The following MAN2A2 variants were observed in gnomAD, a reference collection of about 807,000 sequenced individuals.
MAN2A2 encodes alpha-mannosidase 2x.
A neutral mutation model predicts 126.8 loss-of-function variants in MAN2A2; 79 were observed. That is an observed-to-expected ratio of 0.62 (90% CI 0.52 to 0.75). MAN2A2 has a LOEUF of 0.75. Among genes scored for constraint, MAN2A2 ranks in the 30% least tolerant of loss-of-function variants. The pLI, the probability that MAN2A2 is intolerant of heterozygous loss-of-function variation, is 0.00. For synonymous variants in MAN2A2, 671 were observed against 618.7 expected, an observed-to-expected ratio of 1.08 and a Z score of -1.25; for missense variants, 1,392 against 1,522.4, an observed-to-expected ratio of 0.91 and a Z score of 1.43.
In MAN2A2 at chr15:90,912,877, C is replaced by T. The variant is rs772850950; in HGVS notation, c.2470C>T (p.Pro824Ser). The T allele has an allele frequency of 1.2e-6, 2 of 1,612,574 alleles. No homozygotes were observed. Among genetic ancestry groups the T allele is most frequent in the Non-Finnish European group, 1.7e-6 (2 of 1,178,760 alleles). ...YLFLPDGEAK[P>S]YVPKEPPVLR... Reference sequence around the variant, plus strand: ...CAACAGCAATCTGCTCTTTCTCTAGCCCTACGTCCCCAAGGAGCCCCCCGT... The same window carrying T: ...CAACAGCAATCTGCTCTTTCTCTAGTCCTACGTCCCCAAGGAGCCCCCCGT... Residue 824 changes from proline (P) to serine (S), a missense_variant and splice_region_variant, in exon 17 of 23, where the codon CCC (proline) becomes TCC (serine). Pro to Ser is a moderately conservative substitution (Grantham distance 74). Coordinates refer to ENST00000559717, the MANE Select transcript of MAN2A2 (RefSeq NM_006122.4).
chr15:90,919,552 A>G (rs1283071931), intron 22 of MAN2A2, 83 bp from the exon 23 acceptor site: 12 of 1,518,080 alleles, frequency 7.9e-6, no homozygotes, highest in Non-Finnish European at 1.1e-5. Flanking sequence ...ATTCTTAAAG[A>G]GGTACCAAAT....
rs768714208 is a variant in MAN2A2 at position 90,905,857 on chromosome 15, C to T, written c.548C>T (p.Thr183Ile). 3 of 1,576,732 alleles carry T rather than the reference C, an allele frequency of 1.9e-6. No homozygotes were observed. The highest frequency in any genetic ancestry group is 2.6e-6 in the Non-Finnish European group (3 of 1,160,992). The change falls in exon 5 of 23, where the codon ACC becomes ATC. Residue 183 changes from threonine (T) to isoleucine (I), a missense_variant. By Grantham distance (89) the Thr-to-Ile change is moderately conservative. Transcript: ENST00000559717. Reference sequence around the variant, plus strand: ...ATTGGCTCCCTAGGCTGGATCAAGACCTTTGACAAGTACTACACAGAGCAG... The same window carrying T: ...ATTGGCTCCCTAGGCTGGATCAAGATCTTTGACAAGTACTACACAGAGCAG... ...HSHNDPGWIK[T>I]FDKYYTEQTQ... is the part of the protein sequence containing the mutation.
chr15:90,906,573 C>T (rs1411724789), intron 6 of MAN2A2, 76 bp downstream of exon 6: 14 of 1,606,538 alleles, frequency 8.7e-6, no homozygotes, highest in East Asian at 2.2e-5. Context: ...GCACAGGGAT[C>T]GGCAGGGGGT....
chr15:90,916,388 G>A, intron 20 of MAN2A2, 132 bp downstream of exon 20: 1 of 1,279,798 alleles, frequency 7.8e-7, no homozygotes, highest in South Asian at 1.4e-5. Flanking sequence ...GAATTCCTGG[G>A]GTGGGGGGAG....
chr15:90,905,354 C>T lies in MAN2A2; in HGVS notation c.236C>T (p.Thr79Ile). The T allele has an allele frequency of 6.2e-7, 1 of 1,613,894 alleles. No individual in the cohort carries two copies. The highest frequency in any genetic ancestry group is 2.2e-5 in the East Asian group (1 of 44,890). Residue 79 changes from threonine (T) to isoleucine (I), a missense_variant, in exon 3 of 23, where the codon ACA becomes ATA. By Grantham distance (89) the Thr-to-Ile change is moderately conservative. Transcript: ENST00000559717. ...ATCAAGGACTCCGTGCTGGAGCTGACAGCCAACGCAGAGGGCCCGCCCGCC... is the reference window on the plus strand; with the variant it reads ...ATCAAGGACTCCGTGCTGGAGCTGATAGCCAACGCAGAGGGCCCGCCCGCC... ...SHIKDSVLEL[T>I]ANAEGPPAML...
In MAN2A2 at chr15:90,910,158, C is replaced by A; in HGVS notation, c.1443C>A (p.Ala481=). The A allele has an allele frequency of 6.2e-7, 1 of 1,614,072 alleles. No homozygotes were observed. The highest frequency in any genetic ancestry group is 8.5e-7 in the Non-Finnish European group (1 of 1,180,012). ...LYKRTGVEPG[A]RPPGFPVLSG... is the part of the protein sequence containing the mutation. Reference sequence around the variant, plus strand: ...AGAGGACAGGGGTGGAGCCAGGGGCCCGGCCTCCAGGGTTTCCTGTGCTGA... The same window carrying A: ...AGAGGACAGGGGTGGAGCCAGGGGCACGGCCTCCAGGGTTTCCTGTGCTGA... The change falls in exon 10 of 23, where the codon GCC becomes GCA. Residue 481 remains alanine, a synonymous_variant. Transcript: ENST00000559717.
At chr15:90,912,789 T>G (rs1381229705) in intron 16 of MAN2A2, 88 bp from the exon 17 acceptor site, 1 of 1,548,420 alleles carries the variant, frequency 6.5e-7, no homozygotes. Flanking sequence ...TGTCTGGGAA[T>G]AGGTGCTCTC....
upstream of MAN2A2, chr15:90,902,683 G>T (rs2033930933): frequency 6.6e-6 from 1 of 150,604 alleles, no homozygotes; most frequent in African/African-American, 2.4e-5. Context: ...TGTCAGCTCC[G>T]CCGGGCACAC....
At chr15:90,908,656 A>G (rs1596148694) in intron 8 of MAN2A2, among the ~76,000 whole-genome samples, 1 of 151,336 alleles carries the variant, frequency 6.6e-6, no homozygotes, top group Non-Finnish European at 1.5e-5. Flanking sequence ...GCTCACCGCA[A>G]CCTCCGCCTC....
Position 90,919,787 on chromosome 15 carries a change from G to A in MAN2A2, c.3453G>A (p.Ter1151=). Residue 1151 remains the stop codon, a stop_retained_variant, in exon 23 of 23, where the codon TAG becomes TAA. Transcript: ENST00000559717. The part of the protein sequence containing the change: ...EIATFRLRLG[*] ...CTACCTTTCGCCTCCGCTTGGGTTA[G>A]GGCTTCTTGTGGCCTGAAGAGAAAG... The A allele has an allele frequency of 6.2e-7, 1 of 1,614,066 alleles. No individual in the cohort carries two copies. The highest frequency in any genetic ancestry group is 1.7e-4 in the Middle Eastern group (1 of 6,056).
In MAN2A2 at chr15:90,905,585, ACT is replaced by A. The variant is rs1284545475; in HGVS notation, c.398_399del (p.Thr133SerfsTer8). On this transcript the variant is annotated frameshift_variant, in exon 4 of 23. Coordinates refer to ENST00000559717, the MANE Select transcript of MAN2A2 (RefSeq NM_006122.4). LOFTEE classifies it high-confidence loss of function. Reference protein sequence around the residue: ...RGQKPELQMLTVSEELPFDNV... With the variant: ...RGQKPELQMLXVSEELPFDNV... ...GCTGCAGTTCACCTGGCAGATGCTC[ACT>A]GTGTCGGAGGAGCTGCCGTTTGACA... is the stretch of plus-strand genomic sequence containing the variant. The A allele has an allele frequency of 1.2e-6, 2 of 1,614,146 alleles. No individual in the cohort carries two copies. Among genetic ancestry groups the A allele is most frequent in the Admixed American group, 3.3e-5 (2 of 60,016 alleles).
At chr15:90,917,176 C>T (rs1004833428) in intron 20 of MAN2A2, among the ~76,000 whole-genome samples, 1 of 152,176 alleles carries the variant, frequency 6.6e-6, no homozygotes, top group Non-Finnish European at 1.5e-5. Context: ...TCCTACTGAC[C>T]ACACTTCAAG....
At chr15:90,918,585 C>T in intron 21 of MAN2A2, 60 bp from the exon 22 acceptor site, 9 of 1,307,406 alleles carry the variant, frequency 6.9e-6, no homozygotes, top group Non-Finnish European at 9.9e-6. Flanking sequence ...AGAGGCGCTG[C>T]TGCATCTCCG....
intron 5 of MAN2A2, 123 bp from the exon 6 acceptor site, chr15:90,906,247 C>G (rs1048150756): frequency 7.2e-7 from 1 of 1,391,270 alleles, no homozygotes; most frequent in Non-Finnish European, 9.9e-7. Flanking sequence ...TGTGTGTTCT[C>G]TTGGTCCTGG....
At position 90,907,491 on chromosome 15, in the gene MAN2A2, G is replaced by A. The variant is rs1487561087; in HGVS notation, c.1192G>A (p.Glu398Lys). 1 of 1,610,580 alleles carries A rather than the reference G, an allele frequency of 6.2e-7. No homozygotes were observed. Among genetic ancestry groups the A allele is most frequent in the South Asian group, 1.1e-5 (1 of 91,070 alleles). The change falls in exon 8 of 23, where the codon GAG (glutamate) becomes AAG (lysine). Residue 398 changes from glutamate (E) to lysine (K), a missense_variant. Physicochemically the swap from Glu to Lys is moderately conservative, Grantham distance 56. Coordinates refer to ENST00000559717, the MANE Select transcript of MAN2A2 (RefSeq NM_006122.4). ...PRAITEANVA[E>K]RAALLLDQYR... Reference sequence around the variant, plus strand: ...GGCCATCACAGAGGCCAACGTGGCAGAGAGGTATCTGCTTCCAGCCCTTTC... The same window carrying A: ...GGCCATCACAGAGGCCAACGTGGCAAAGAGGTATCTGCTTCCAGCCCTTTC...
rs776736257 is a variant in MAN2A2, at chr15:90,919,773, C to T, written c.3439C>T (p.Leu1147Phe). 2.8e-5 allele frequency: 45 copies of T among 1,614,082 alleles called. No homozygotes were observed. Among genetic ancestry groups the T allele is most frequent in the Non-Finnish European group, 3.7e-5 (44 of 1,180,038 alleles). The change falls in exon 23 of 23, where the codon CTC (leucine) becomes TTC (phenylalanine). Residue 1147 changes from leucine to phenylalanine, a missense_variant. Transcript: ENST00000559717. Reference sequence around the variant, plus strand: ...GCCCATGGAGATTGCTACCTTTCGCCTCCGCTTGGGTTAGGGCTTCTTGTG... The same window carrying T: ...GCCCATGGAGATTGCTACCTTTCGCTTCCGCTTGGGTTAGGGCTTCTTGTG... ...LEPMEIATFR[L>F]RLG
chr15:90,911,878 T>C, intron 14 of MAN2A2, 165 bp from the exon 15 acceptor site: 2 of 677,368 alleles, frequency 3.0e-6, no homozygotes, highest in Non-Finnish European at 2.6e-6. Flanking sequence ...AATCATAAAG[T>C]CTGATGAGGA....
rs1401982659 is a variant in MAN2A2, at chr15:90,910,256, A to T, written c.1541A>T (p.Tyr514Phe). Residue 514 changes from tyrosine to phenylalanine, a missense_variant, in exon 10 of 23, where the codon TAC becomes TTC. Physicochemically the swap from Tyr to Phe is conservative, Grantham distance 22 (BLOSUM62 3). Coordinates refer to ENST00000559717, the MANE Select transcript of MAN2A2 (RefSeq NM_006122.4). ...WTGYYTSRPF[Y>F]KSLDRVLEAH... ...GGCTATTACACTTCCCGGCCCTTCT[A>T]CAAGAGCTTAGACCGAGTCCTGGAA... is the stretch of plus-strand genomic sequence containing the variant. The T allele has an allele frequency of 2.5e-6, 4 of 1,614,178 alleles. No homozygotes were observed. In the Admixed American group the frequency reaches 6.7e-5, roughly 27 times the overall value.
chr15:90,912,473 G>T (rs771491770), intron 15 of MAN2A2, 69 bp from the exon 16 acceptor site: 2 of 1,598,488 alleles, frequency 1.3e-6, no homozygotes, highest in African/African-American at 1.3e-5. Flanking sequence ...AAGCTATTCC[G>T]TGTCCTCCCA....
Sources: allele counts gnomAD v4.1 joint callset (sites outside exome capture counted in the v4.1 genomes callset), GRCh38; gene constraint gnomAD v4.1.1; transcripts MANE v1.5; gene names NCBI Gene and HGNC (gene_info 2026-07-23, HGNC 2026-07-21).